Variants in PAPPA observed in about 807,000 individuals in gnomAD.
The protein encoded by PAPPA is pappalysin 1.
A neutral mutation model predicts 164.0 loss-of-function variants in PAPPA; 60 were observed. The observed-to-expected ratio is 0.37, with a 90% CI of 0.30 to 0.45. The LOEUF is 0.45. PAPPA is among the 20% of genes least tolerant of loss of function. The pLI is 1.00. For missense variants in PAPPA, 1,782 were observed against 2,087.3 expected (o/e 0.85, Z 2.85); for synonymous variants, 875 against 814.1 (o/e 1.07, Z -1.27).
chr9:116,209,645 C>A (rs2118680986), intron 3 of PAPPA, among the ~76,000 whole-genome samples: 1 of 152,238 alleles, frequency 6.6e-6, no homozygotes, highest in Non-Finnish European at 1.5e-5. Context: ...GGCCCAAGTG[C>A]TGTCACTCTG....
chr9:116,154,779 C>G lies in PAPPA; in HGVS notation c.415+192C>G, dbSNP rs1843581805. On this transcript the variant is annotated intron_variant, in intron 1 of 21. Coordinates refer to ENST00000328252, the MANE Select transcript of PAPPA (RefSeq NM_002581.5). The surrounding 1 kb of genome is among the most constrained non-coding windows in gnomAD (Gnocchi z 5.2). ...GCTCCATCGGTGGAATGGGCACACT[C>G]GGAAGGCGTAGCTGCTCCATCCCTG... 6.6e-6 allele frequency among the ~76,000 whole-genome samples: 1 copy of G among 152,158 alleles called. No homozygotes were observed. Among genetic ancestry groups the G allele is most frequent in the Non-Finnish European group, 1.5e-5 (1 of 68,028 alleles).
chr9:116,215,271 A>G (rs913803895), intron 4 of PAPPA, among the ~76,000 whole-genome samples: 8 of 152,142 alleles, frequency 5.3e-5, no homozygotes, highest in Non-Finnish European at 1.0e-4. Context: ...CATTAATACC[A>G]TTGATGATAA....
intron 2 of PAPPA, among the ~76,000 whole-genome samples, chr9:116,199,456 A>C (rs1449656993): frequency 6.6e-6 from 1 of 152,064 alleles, no homozygotes; most frequent in Non-Finnish European, 1.5e-5. Context: ...GAATACCACT[A>C]CTTCTTATAT....
intron 2 of PAPPA, among the ~76,000 whole-genome samples, chr9:116,189,622 T>C (rs903773410): frequency 2.0e-5 from 3 of 152,190 alleles, no homozygotes; most frequent in Admixed American, 6.5e-5. Flanking sequence ...AAGGGTAACC[T>C]GTATTAAATG....
intron 1 of PAPPA, among the ~76,000 whole-genome samples, chr9:116,165,095 CA>C: frequency 6.6e-6 from 1 of 152,242 alleles, no homozygotes; most frequent in East Asian, 1.9e-4. Context: ...CATGACTGCC[CA>C]AAAGCTTTGT....
chr9:116,334,486 C>T (rs980891157), intron 12 of PAPPA, among the ~76,000 whole-genome samples: 25 of 152,098 alleles, frequency 1.6e-4, no homozygotes, highest in Non-Finnish European at 2.8e-4. Flanking sequence ...CATCACTTTT[C>T]CAACTGACCA....
intron 9 of PAPPA, chr9:116,287,698 C>T (rs1845357656): frequency 6.6e-6 from 1 of 152,222 alleles, no homozygotes; most frequent in South Asian, 2.1e-4. Context: ...CTCCCTGAGC[C>T]TTCTTTTCTT....
chr9:116,283,535 G>T (rs1845292393), intron 9 of PAPPA, among the ~76,000 whole-genome samples: 1 of 152,120 alleles, frequency 6.6e-6, no homozygotes, highest in South Asian at 2.1e-4. Flanking sequence ...AACATGATAG[G>T]AGCAGTATTT....
chr9:116,156,701 C>T (rs1331097094), intron 1 of PAPPA, among the ~76,000 whole-genome samples: 1 of 152,092 alleles, frequency 6.6e-6, no homozygotes. Context: ...CCAGATTTGG[C>T]GGCGTGTAAA....
At chr9:116,181,849 TTGG>T (rs1843909161) in intron 1 of PAPPA, among the ~76,000 whole-genome samples, 1 of 152,242 alleles carries the variant, frequency 6.6e-6, no homozygotes, top group Admixed American at 6.5e-5. Context: ...AGATTACTCT[TTGG>T]TAATAAAGAA....
chr9:116,346,671 G>T (rs1256713651), intron 14 of PAPPA, among the ~76,000 whole-genome samples: 1 of 152,174 alleles, frequency 6.6e-6, no homozygotes, highest in African/African-American at 2.4e-5. Flanking sequence ...GCCCTGTGAG[G>T]TCTCAAAACC....
At chr9:116,326,763 C>T (rs1431663417) in intron 10 of PAPPA, among the ~76,000 whole-genome samples, 14 of 152,184 alleles carry the variant, frequency 9.2e-5, no homozygotes, top group Admixed American at 9.2e-4. Context: ...CCCCTAGCAA[C>T]CACCATTCAT....
At chr9:116,369,216 G>T (rs998053681) in intron 19 of PAPPA, among the ~76,000 whole-genome samples, 1 of 151,866 alleles carries the variant, frequency 6.6e-6, no homozygotes, top group Admixed American at 6.6e-5. Context: ...CAAACCTCAA[G>T]CTCTTTCATC....
chr9:116,209,443 G>A (rs1026530188), intron 3 of PAPPA, among the ~76,000 whole-genome samples: 3 of 152,180 alleles, frequency 2.0e-5, no homozygotes, highest in African/African-American at 7.2e-5. Context: ...GCCATGATCA[G>A]AGTCTGAGAA....
At chr9:116,288,835 A>C (rs1384814047) in intron 9 of PAPPA, 1 of 151,890 alleles carries the variant, frequency 6.6e-6, no homozygotes, top group Admixed American at 6.6e-5. Context: ...GAACCAAACC[A>C]GTCAGAGTTC....
intron 21 of PAPPA, among the ~76,000 whole-genome samples, chr9:116,387,566 A>G (rs1041616395): frequency 6.6e-6 from 1 of 152,142 alleles, no homozygotes; most frequent in Non-Finnish European, 1.5e-5. Flanking sequence ...TAGAGAAAGC[A>G]GTCTCCCTGT....
intron 1 of PAPPA, among the ~76,000 whole-genome samples, chr9:116,166,939 G>A (rs1323099564): frequency 6.6e-6 from 1 of 152,168 alleles, no homozygotes; most frequent in African/African-American, 2.4e-5. Context: ...TTTGAAGAAT[G>A]TAGAATGGAA....
At chr9:116,304,513 G>C (rs1255501943) in intron 10 of PAPPA, among the ~76,000 whole-genome samples, 1 of 152,212 alleles carries the variant, frequency 6.6e-6, no homozygotes, top group Non-Finnish European at 1.5e-5. Context: ...TCAAACAAGA[G>C]AATTATTAAC....
At chr9:116,185,465 C>G (rs533866573) in intron 1 of PAPPA, among the ~76,000 whole-genome samples, 1 of 152,306 alleles carries the variant, frequency 6.6e-6, no homozygotes, top group East Asian at 1.9e-4. Flanking sequence ...GCTGGAAGCT[C>G]TCCTTGCTCA....
Sources: allele counts gnomAD v4.1 joint callset (sites outside exome capture counted in the v4.1 genomes callset), GRCh38; gene constraint gnomAD v4.1.1; non-coding constraint Gnocchi (gnomAD v3.1); transcripts MANE v1.5; gene names NCBI Gene and HGNC (gene_info 2026-07-23, HGNC 2026-07-21).